PAPPA2: variants seen among roughly 807,000 people sequenced by gnomAD.
PAPPA2 encodes the protein pappalysin-2.
Under a neutral mutation model 176.4 loss-of-function variants are expected in PAPPA2, and 86 were observed. The ratio of observed to expected loss-of-function variants is 0.49; its 90% confidence interval spans 0.41 to 0.58. The LOEUF (loss-of-function observed/expected upper bound fraction) is 0.58, where lower values mean the gene tolerates loss of function less well. Ranked by LOEUF, PAPPA2 falls within the 20% of genes least tolerant of loss-of-function variation. PAPPA2 has a pLI of 0.00. For missense variants in PAPPA2, 2,073 were observed against 2,256.9 expected, an observed-to-expected ratio of 0.92 and a Z score of 1.65; for synonymous variants, 809 against 852.2, an observed-to-expected ratio of 0.95 and a Z score of 0.88.
intron 3 of PAPPA2, among the ~76,000 whole-genome samples, chr1:176,596,989 C>G (rs1345269026): frequency 6.6e-6 from 1 of 152,184 alleles, no homozygotes; most frequent in Non-Finnish European, 1.5e-5. Flanking sequence ...ATCTCAGCTT[C>G]CACCCAATGT....
chr1:176,561,274 C>A (rs1651653079), intron 2 of PAPPA2, among the ~76,000 whole-genome samples: 1 of 152,108 alleles, frequency 6.6e-6, no homozygotes, highest in African/African-American at 2.4e-5. Context: ...AAGACAAAGT[C>A]TTGCAGAGTC....
Position 176,703,821 on chromosome 1 carries a change from G to A in PAPPA2, c.3365+1086G>A, listed in dbSNP as rs1261837085. 2.0e-5 allele frequency among the ~76,000 whole-genome samples: 3 copies of A among 152,188 alleles called. No individual in the cohort carries two copies. In the East Asian group the frequency reaches 5.8e-4, roughly 29 times the overall value. On this transcript the variant is annotated intron_variant, in intron 9 of 22. Coordinates refer to ENST00000367662, the MANE Select transcript of PAPPA2 (RefSeq NM_020318.3). The stretch of plus-strand genomic sequence containing the variant: ...GTCACCTCAACCTTGCTCACGTGCT[G>A]TCCCTTGCTACCTAACTCAGCCTGC...
chr1:176,544,929 A>C (rs1009546860), intron 1 of PAPPA2, among the ~76,000 whole-genome samples: 2 of 152,164 alleles, frequency 1.3e-5, no homozygotes, highest in Non-Finnish European at 1.5e-5. Flanking sequence ...GCATATGGCA[A>C]GGTATGGGGA....
chr1:176,832,419 G>A (rs977226954), intron 21 of PAPPA2, among the ~76,000 whole-genome samples: 2 of 152,136 alleles, frequency 1.3e-5, no homozygotes, highest in Admixed American at 6.5e-5. Context: ...GCAGTGGCGC[G>A]ATCTCGGCTC....
chr1:176,579,994 T>C (rs1652869030), intron 2 of PAPPA2, among the ~76,000 whole-genome samples: 1 of 152,236 alleles, frequency 6.6e-6, no homozygotes, highest in African/African-American at 2.4e-5. Flanking sequence ...GAAACATTTA[T>C]CTTTTTTTGT....
intron 1 of PAPPA2, among the ~76,000 whole-genome samples, chr1:176,503,001 T>C (rs182723943): frequency 6.6e-6 from 1 of 152,168 alleles, no homozygotes; most frequent in Admixed American, 6.6e-5. Flanking sequence ...TGCTGCAAAT[T>C]TCGTGGTTTA....
chr1:176,632,159 G>A (rs1656373781), intron 3 of PAPPA2, among the ~76,000 whole-genome samples: 1 of 152,076 alleles, frequency 6.6e-6, no homozygotes, highest in Non-Finnish European at 1.5e-5. Flanking sequence ...AAAGATGCTT[G>A]TTAGAGATAT....
intron 12 of PAPPA2, among the ~76,000 whole-genome samples, chr1:176,735,782 G>A (rs1662384555): frequency 1.3e-5 from 2 of 150,970 alleles, no homozygotes; most frequent in African/African-American, 4.9e-5. Context: ...CCCATCCTTT[G>A]TTCATTTTCT....
Position 176,791,499 on chromosome 1 carries a change from A to C in PAPPA2, c.5020+17A>C. 1.3e-6 allele frequency: 2 copies of C among 1,599,750 alleles called. No individual in the cohort carries two copies. The highest frequency in any genetic ancestry group is 1.7e-6 in the Non-Finnish European group (2 of 1,172,126). On this transcript the variant is annotated intron_variant, in intron 19 of 22. Transcript: ENST00000367662. ...ATGGGATTGGTAAGGATAGGAGTGA[A>C]TCTTAAAGTCAATTTCTATGTCATT... is the stretch of plus-strand genomic sequence containing the variant.
At chr1:176,683,036 T>A (rs1261250517) in intron 4 of PAPPA2, among the ~76,000 whole-genome samples, 1 of 150,982 alleles carries the variant, frequency 6.6e-6, no homozygotes, top group Non-Finnish European at 1.5e-5. Flanking sequence ...ATTTATTTAT[T>A]TATTTATTTA....
chr1:176,634,076 A>G (rs2102713121), intron 3 of PAPPA2, among the ~76,000 whole-genome samples: 1 of 152,362 alleles, frequency 6.6e-6, no homozygotes, highest in Non-Finnish European at 1.5e-5. Flanking sequence ...CATTTGACCC[A>G]GCCATCCCAT....
At chr1:176,604,278 G>C (rs1654490794) in intron 3 of PAPPA2, among the ~76,000 whole-genome samples, 2 of 151,958 alleles carry the variant, frequency 1.3e-5, no homozygotes, top group African/African-American at 2.4e-5. Flanking sequence ...TCACAAACAT[G>C]CTATTTTGTT....
chr1:176,477,405 T>G (rs1180162361), intron 1 of PAPPA2, among the ~76,000 whole-genome samples: 1 of 152,224 alleles, frequency 6.6e-6, no homozygotes, highest in Non-Finnish European at 1.5e-5. Context: ...CTACTTACTC[T>G]AAATACATGT....
intron 3 of PAPPA2, among the ~76,000 whole-genome samples, chr1:176,667,321 G>A (rs1658719573): frequency 1.3e-5 from 2 of 152,132 alleles, no homozygotes; most frequent in South Asian, 4.1e-4. Context: ...AATTCCTCAG[G>A]CGATGATAAG....
intron 21 of PAPPA2, among the ~76,000 whole-genome samples, chr1:176,835,680 C>A (rs558287897): frequency 6.6e-6 from 1 of 152,128 alleles, no homozygotes; most frequent in Admixed American, 6.5e-5. Context: ...CCACCACGCC[C>A]GGCTAGTTTT....
At chr1:176,837,133 T>C (rs1479384749) in intron 21 of PAPPA2, among the ~76,000 whole-genome samples, 2 of 152,162 alleles carry the variant, frequency 1.3e-5, no homozygotes, top group Non-Finnish European at 2.9e-5. Context: ...CTTTTCGTAT[T>C]CCACCACTTG....
At chr1:176,573,983 G>A (rs989628202) in intron 2 of PAPPA2, among the ~76,000 whole-genome samples, 1 of 151,936 alleles carries the variant, frequency 6.6e-6, no homozygotes, top group East Asian at 1.9e-4. Flanking sequence ...TTAATTAGGG[G>A]AAGTGGAATT....
chr1:176,618,203 A>G (rs1655381450), intron 3 of PAPPA2, among the ~76,000 whole-genome samples: 1 of 152,202 alleles, frequency 6.6e-6, no homozygotes, highest in Non-Finnish European at 1.5e-5. Flanking sequence ...AGATTTTTAT[A>G]TTAAGCTAAA....
rs758207581 is a variant in PAPPA2 at position 176,690,350 on chromosome 1, G to A, written c.2351G>A (p.Arg784Gln). 34 of 1,614,032 alleles carry A rather than the reference G, an allele frequency of 2.1e-5. No homozygotes were observed. Among genetic ancestry groups the A allele is most frequent in the East Asian group, 6.7e-5 (3 of 44,876 alleles). The change falls in exon 5 of 23, where the codon CGG becomes CAG. Residue 784 changes from arginine to glutamine, a missense_variant. Coordinates refer to ENST00000367662, the MANE Select transcript of PAPPA2 (RefSeq NM_020318.3). ...CCCACTCCCAAGAGTGAGCTGTGCCGGGAACCAGAGCCCACTAGTGACACC... is the reference window on the plus strand; with the variant it reads ...CCCACTCCCAAGAGTGAGCTGTGCCAGGAACCAGAGCCCACTAGTGACACC... ...TAPTPKSELC[R>Q]EPEPTSDTCG... is the part of the protein sequence containing the mutation.
Sources: allele counts gnomAD v4.1 joint callset (sites outside exome capture counted in the v4.1 genomes callset), GRCh38; gene constraint gnomAD v4.1.1; transcripts MANE v1.5; gene names NCBI Gene and HGNC (gene_info 2026-07-23, HGNC 2026-07-21).